FAM72C: variants seen among roughly 807,000 people sequenced by gnomAD.
FAM72C encodes the protein RUMY family member 3.
FAM72C carries 1 observed loss-of-function variant against 5.2 expected under a neutral mutation model. That is an observed-to-expected ratio of 0.19 (90% confidence interval 0.07 to 0.91). The LOEUF is 0.91. Among genes scored for constraint, FAM72C ranks in the 40% least tolerant of loss-of-function variants. The probability of loss-of-function intolerance (pLI) is 0.66; values close to 1 mark genes in which losing one functional copy is unlikely to be tolerated. For synonymous variants in FAM72C, 1 was observed against 21.8 expected (o/e 0.05, Z 2.66); for missense variants, 4 against 66.0 (o/e 0.06, Z 3.25).
intron 3 of FAM72C, among the ~76,000 whole-genome samples, chr1:143,960,896 C>T (rs1456127010): frequency 7.1e-5 from 9 of 126,740 alleles, no homozygotes; most frequent in African/African-American, 2.1e-4. Flanking sequence ...TGCAGCGGTG[C>T]CACCTCGGCT....
At chr1:143,967,296 G>A (rs1253078756) in intron 2 of FAM72C, among the ~76,000 whole-genome samples, 1 of 145,364 alleles carries the variant, frequency 6.9e-6, no homozygotes, top group Non-Finnish European at 1.5e-5. Flanking sequence ...TGGCCAACAT[G>A]GTGAAACCCT....
rs1253814565 is a variant in FAM72C, at chr1:143,967,016, A to G, written c.230+1908T>C. ...GCACTCCAGCCTGGGCAACTGAGCAAGACTCCGTCTCAAAGCAAAACAAAA... is the reference window on the plus strand; with the variant it reads ...GCACTCCAGCCTGGGCAACTGAGCAGGACTCCGTCTCAAAGCAAAACAAAA... On this transcript the variant is annotated intron_variant, in intron 2 of 3. Transcript: ENST00000584486. 2.5e-4 allele frequency among the ~76,000 whole-genome samples: 36 copies of G among 144,542 alleles called. 3 individuals carry two copies. Among genetic ancestry groups the G allele is most frequent in the Non-Finnish European group, 4.6e-4 (30 of 65,368 alleles). The allele number at this position is 144,542 out of a possible 152,430, so 94.8% of individuals were successfully genotyped here.
intron 2 of FAM72C, among the ~76,000 whole-genome samples, chr1:143,967,634 C>T (rs1661812242): frequency 8.3e-6 from 1 of 121,086 alleles, no homozygotes; most frequent in Non-Finnish European, 1.8e-5. Context: ...AATCAAATAG[C>T]ACATAAGAAG....
At position 143,955,729 on chromosome 1, in the gene FAM72C, C is replaced by T. The variant is rs1553517467; in HGVS notation, c.*658G>A. The T allele has an allele frequency of 8.7e-6, 1 of 115,060 alleles. No homozygotes were observed. Among genetic ancestry groups the T allele is most frequent in the Non-Finnish European group, 1.8e-5 (1 of 55,154 alleles). The allele number at this position is 115,060 out of a possible 1,614,324, so 7.1% of individuals were successfully genotyped here. On this transcript the variant is annotated 3_prime_UTR_variant, in exon 4 of 4. Transcript: ENST00000584486. Reference sequence around the variant, plus strand: ...GGTTTAGCTCTCATAATACAATATCCATAATGGCTTTAGAAGAATGTAAAT... The same window carrying T: ...GGTTTAGCTCTCATAATACAATATCTATAATGGCTTTAGAAGAATGTAAAT...
chr1:143,967,217 C>A (rs1450967064), intron 2 of FAM72C, among the ~76,000 whole-genome samples: 1 of 145,740 alleles, frequency 6.9e-6, no homozygotes, highest in African/African-American at 2.5e-5. Context: ...GTGGCTCACG[C>A]CTGTAATCCT....
At chr1:143,966,823 T>A (rs1346983219) in intron 2 of FAM72C, among the ~76,000 whole-genome samples, 2,878 of 140,892 alleles carry the variant, frequency 0.02, 278 homozygotes, top group Middle Eastern at 0.063. Flanking sequence ...AGGTCAGGAG[T>A]TCGAGACCAG....
chr1:143,960,729 A>AG (rs1475435185), intron 3 of FAM72C, among the ~76,000 whole-genome samples: 1 of 144,268 alleles, frequency 6.9e-6, no homozygotes, highest in Admixed American at 7.0e-5. Context: ...CTCAAAAAAA[A>AG]AAAAAAAAAA....
rs1481938072 is a variant in FAM72C, at chr1:143,960,833, T to A, written c.355+4022A>T. On this transcript the variant is annotated intron_variant, in intron 3 of 3. Coordinates refer to ENST00000584486, the MANE Select transcript of FAM72C (RefSeq NM_001287385.2). ...GTAGTGTACTTTCTTACTAAAATAT[T>A]TTTTTTTTTTTTTTTTTTGAGACAG... 9.9e-5 allele frequency among the ~76,000 whole-genome samples: 13 copies of A among 131,344 alleles called. 1 individual carries two copies. The highest frequency in any genetic ancestry group is 1.5e-4 in the Admixed American group (2 of 13,258). 86.2% of individuals were successfully genotyped at this position (131,344 alleles called of 152,430 possible).
At chr1:143,960,186 A>C (rs1430145007) in intron 3 of FAM72C, among the ~76,000 whole-genome samples, 2 of 86,350 alleles carry the variant, frequency 2.3e-5, no homozygotes, top group African/African-American at 5.0e-5. Flanking sequence ...TGGGCGGATC[A>C]CCTGAGGTCA....
chr1:143,960,927 A>AG (rs1178508231), intron 3 of FAM72C, among the ~76,000 whole-genome samples: 3 of 127,760 alleles, frequency 2.3e-5, no homozygotes, highest in Non-Finnish European at 5.0e-5. Context: ...TCCACCTCCT[A>AG]GGTTCAAGGG....
intron 3 of FAM72C, among the ~76,000 whole-genome samples, chr1:143,960,665 G>A (rs1250521694): frequency 1.6e-5 from 2 of 126,132 alleles, no homozygotes; most frequent in African/African-American, 3.0e-5. Context: ...AGGCTGCCAT[G>A]AGCCAAGATG....
intron 3 of FAM72C, among the ~76,000 whole-genome samples, chr1:143,962,083 T>C (rs1661656116): frequency 7.2e-6 from 1 of 139,018 alleles, no homozygotes; most frequent in African/African-American, 2.6e-5. Flanking sequence ...GGCGTGATCT[T>C]GGCTCACCGC....
chr1:143,960,397 C>A (rs1260341789), intron 3 of FAM72C, among the ~76,000 whole-genome samples: 2 of 78,058 alleles, frequency 2.6e-5, no homozygotes, highest in Non-Finnish European at 5.0e-5. Context: ...CAGAATGACT[C>A]CATCTCAAAA....
chr1:143,963,848 C>T (rs1411456776), intron 3 of FAM72C, among the ~76,000 whole-genome samples: 1 of 136,312 alleles, frequency 7.3e-6, no homozygotes, highest in Non-Finnish European at 1.6e-5. Context: ...GACAGGGTCT[C>T]ATATTGTTGC....
intron 2 of FAM72C, among the ~76,000 whole-genome samples, chr1:143,967,049 C>G (rs1409736842): frequency 7.3e-6 from 1 of 136,278 alleles, no homozygotes; most frequent in Admixed American, 7.5e-5. Flanking sequence ...AAAAAAATGT[C>G]GTTGCCCAGG....
Position 143,967,517 on chromosome 1 carries a change from C to T in FAM72C, c.230+1407G>A, listed in dbSNP as rs1400211521. On this transcript the variant is annotated intron_variant, in intron 2 of 3. Coordinates refer to ENST00000584486, the MANE Select transcript of FAM72C (RefSeq NM_001287385.2). ...AAGAAAAGAAAGAAGAAAATAATGT[C>T]CAAAGGCCAGTGACTTCATCTAGTT... Among the ~76,000 whole-genome samples the T allele has an allele frequency of 2.9e-4, 41 of 139,592 alleles. 4 individuals carry two copies. In the South Asian group the frequency reaches 5.1e-3, roughly 17 times the overall value. The allele number at this position is 139,592 out of a possible 152,430, so 91.6% of individuals were successfully genotyped here. A position where few individuals can be genotyped will look rare whatever the true frequency, so the allele number is the denominator to read the frequency against.
chr1:143,959,913 G>A (rs1469818473), intron 3 of FAM72C, among the ~76,000 whole-genome samples: 3 of 137,508 alleles, frequency 2.2e-5, no homozygotes, highest in Non-Finnish European at 3.1e-5. Flanking sequence ...GGAGGTCGAG[G>A]CTGCAGTGAG....
intron 3 of FAM72C, among the ~76,000 whole-genome samples, chr1:143,960,507 C>A (rs1188925846): frequency 7.2e-6 from 1 of 138,506 alleles, no homozygotes; most frequent in Non-Finnish European, 1.6e-5. Flanking sequence ...GCAGGCGGAT[C>A]CCCTGAGGTC....
At chr1:143,962,299 C>A (rs1570990319) in intron 3 of FAM72C, among the ~76,000 whole-genome samples, 2 of 144,078 alleles carry the variant, frequency 1.4e-5, no homozygotes, top group East Asian at 4.1e-4. Context: ...CAGGCGTGAG[C>A]CACCGCGCCC....
Sources: gnomAD v4.1 joint callset for allele counts (sites outside exome capture counted in the v4.1 genomes callset) on GRCh38, gnomAD v4.1.1 for gene constraint, MANE v1.5 for transcripts, NCBI Gene and HGNC (gene_info 2026-07-23, HGNC 2026-07-21) for gene names.